The following RNASE10 variants were observed in gnomAD, a reference collection of about 807,000 sequenced individuals.
RNASE10 encodes ribonuclease A family member 10 (inactive), also known as inactive ribonuclease-like protein 10.
Under a neutral mutation model 1.1 loss-of-function variants are expected in RNASE10, and 2 were observed. The observed-to-expected ratio is 1.82, with a 90% CI of 0.74 to 5.73. The LOEUF (loss-of-function observed/expected upper bound fraction) is 5.73. Among genes scored for constraint, RNASE10 ranks in the 30% most tolerant of loss-of-function variants. RNASE10 has a pLI of 0.05. For synonymous variants in RNASE10, 97 were observed against 96.2 expected (o/e 1.01, Z -0.05); for missense variants, 276 against 263.4 (o/e 1.05, Z -0.33).
upstream of RNASE10, among the ~76,000 whole-genome samples, chr14:20,505,267 T>G (rs535850197): frequency 3.0e-3 from 27 of 8,946 alleles, no homozygotes; most frequent in East Asian, 8.3e-3. Flanking sequence ...GTTTGCTCCC[T>G]CTCCCTCTCC....
chr14:20,507,605 A>C (rs1171899692), intron 1 of RNASE10, among the ~76,000 whole-genome samples: 1 of 130,618 alleles, frequency 7.7e-6, no homozygotes, highest in Non-Finnish European at 1.7e-5. Context: ...CCCAAGAATG[A>C]TCAATTAAAA....
chr14:20,510,662 C>T lies in RNASE10; in HGVS notation c.275C>T (p.Thr92Ile), dbSNP rs111280069. The change falls in exon 2 of 2, where the codon ACC becomes ATC. Residue 92 changes from threonine (T) to isoleucine (I), a missense_variant. By Grantham distance (89) the Thr-to-Ile change is moderately conservative. Transcript: ENST00000430083. Reference sequence around the variant, plus strand: ...ACTGAGGAGGGAGACGGCACCCAAACCACAGAAACGCTGGTGCTTAGCAAC... The same window carrying T: ...ACTGAGGAGGGAGACGGCACCCAAATCACAGAAACGCTGGTGCTTAGCAAC... 3.7e-5 allele frequency: 59 copies of T among 1,614,194 alleles called. 2 individuals are homozygous for T. The African/African-American group carries it at 4.3e-4, about 12-fold the overall frequency.
exon 2 of RNASE10, chr14:20,511,070 A>G (rs772066672): frequency 2.6e-6 from 4 of 1,523,780 alleles, no homozygotes; most frequent in Non-Finnish European, 3.5e-6. Context: ...ATAAAAAAGC[A>G]CATTATTATA....
chr14:20,509,968 AAAG>A (rs1459158700), intron 1 of RNASE10, among the ~76,000 whole-genome samples: 1 of 151,054 alleles, frequency 6.6e-6, no homozygotes, highest in Non-Finnish European at 1.5e-5. Flanking sequence ...AAAAAAAAAA[AAAG>A]AGCTGGGCAT....
At chr14:20,508,460 T>C (rs552953586) in intron 1 of RNASE10, among the ~76,000 whole-genome samples, 2 of 152,346 alleles carry the variant, frequency 1.3e-5, no homozygotes, top group South Asian at 2.1e-4. Flanking sequence ...GTCCATGTTG[T>C]AGACACCACC....
rs888713003 is a variant in RNASE10, at chr14:20,511,150, C to T, written c.*28C>T. 9 of 1,424,894 alleles carry T rather than the reference C, an allele frequency of 6.3e-6. No homozygotes were observed. In the Admixed American group the frequency reaches 2.3e-4, roughly 36 times the overall value. 88.3% of individuals were successfully genotyped at this position (1,424,894 alleles called of 1,614,324 possible). A position where few individuals can be genotyped will look rare whatever the true frequency, so the allele number is the denominator to read the frequency against. ...CAACTCATCATCTTTTTTCTCTTCA[C>T]CTTCTCCTGTTCCTCTTCCTTTTTT... On this transcript the variant is annotated 3_prime_UTR_variant, in exon 2 of 2. Transcript: ENST00000430083.
intron 1 of RNASE10, among the ~76,000 whole-genome samples, chr14:20,506,501 C>A (rs1306058877): frequency 1.5e-5 from 2 of 129,154 alleles, no homozygotes; most frequent in African/African-American, 6.3e-5. Context: ...TGGGGGTCAG[C>A]CCCCCGCCCG....
chr14:20,510,666 AG>A lies in RNASE10; in HGVS notation c.280del (p.Glu94LysfsTer57). 2 of 1,614,224 alleles carry A rather than the reference AG, an allele frequency of 1.2e-6. No homozygotes were observed. The highest frequency in any genetic ancestry group is 1.7e-6 in the Non-Finnish European group (2 of 1,180,038). On this transcript the variant is annotated frameshift_variant, in exon 2 of 2. Coordinates refer to ENST00000430083, the Ensembl canonical transcript of RNASE10. LOFTEE classifies it low-confidence loss of function (END_TRUNC). Reference sequence around the variant, plus strand: ...AGGAGGGAGACGGCACCCAAACCACAGAAACGCTGGTGCTTAGCAACAAAGA... The same window carrying A: ...AGGAGGGAGACGGCACCCAAACCACAAAACGCTGGTGCTTAGCAACAAAGA...
chr14:20,506,238 C>T (rs1882710732), intron 1 of RNASE10, among the ~76,000 whole-genome samples: 1 of 106,152 alleles, frequency 9.4e-6, no homozygotes, highest in East Asian at 2.7e-4. Context: ...GTGAGGGGCT[C>T]CTCTGCCCGG....
At chr14:20,507,240 T>A (rs1416646259) in intron 1 of RNASE10, among the ~76,000 whole-genome samples, 2 of 140,548 alleles carry the variant, frequency 1.4e-5, no homozygotes, top group Non-Finnish European at 3.1e-5. Context: ...GAAGTAGACA[T>A]GGGAGACTTT....
intron 1 of RNASE10, among the ~76,000 whole-genome samples, chr14:20,506,296 C>T (rs1201608237): frequency 0.083 from 8,611 of 103,132 alleles, 139 homozygotes; most frequent in East Asian, 0.2. Flanking sequence ...CCAGCCGCCC[C>T]GTCCGGGAGG....
At chr14:20,504,666 C>G (rs61994221), upstream of RNASE10, among the ~76,000 whole-genome samples, 5 of 105,342 alleles carry the variant, frequency 4.7e-5, no homozygotes, top group African/African-American at 1.9e-4. Context: ...CCAGCCTGGG[C>G]GACAGAGAGA....
upstream of RNASE10, among the ~76,000 whole-genome samples, chr14:20,504,545 G>A (rs989939136): frequency 8.6e-5 from 13 of 150,994 alleles, no homozygotes; most frequent in East Asian, 3.9e-4. Flanking sequence ...AAAATTAGCC[G>A]GGCGCGGTGG....
exon 1 of RNASE10, chr14:20,505,682 C>A (rs1220994288): frequency 1.0e-5 from 1 of 97,384 alleles, no homozygotes; most frequent in Non-Finnish European, 1.8e-5. Flanking sequence ...ATCTCCCAGC[C>A]GCCTGCCTTG....
At chr14:20,511,823 C>T (rs911830859), downstream of RNASE10, among the ~76,000 whole-genome samples, 2 of 152,086 alleles carry the variant, frequency 1.3e-5, no homozygotes, top group African/African-American at 4.8e-5. Context: ...TGCTTTTGTC[C>T]TTTGCTTCTT....
downstream of RNASE10, among the ~76,000 whole-genome samples, chr14:20,512,916 G>A (rs566358647): frequency 7.2e-5 from 11 of 152,306 alleles, no homozygotes; most frequent in Non-Finnish European, 1.5e-4. Context: ...GGGAAGAGGG[G>A]AAAGAAGAAT....
intron 1 of RNASE10, among the ~76,000 whole-genome samples, chr14:20,509,240 G>T (rs9788427): frequency 0.22 from 33,728 of 152,152 alleles, 4,857 homozygotes; most frequent in East Asian, 0.64. Context: ...GTAGAGATGG[G>T]GTTTCACCAT....
intron 1 of RNASE10, among the ~76,000 whole-genome samples, chr14:20,509,868 T>C (rs150623845): frequency 0.023 from 3,469 of 149,872 alleles, 46 homozygotes; most frequent in Middle Eastern, 0.038. Context: ...CTCACACTTG[T>C]AATCCCAGCA....
chr14:20,511,219 C>T, downstream of RNASE10: 2 of 1,022,656 alleles, frequency 2.0e-6, no homozygotes, highest in Non-Finnish European at 2.7e-6. Context: ...AGGTATCATG[C>T]AGATGGAATT....
Sources: allele counts gnomAD v4.1 joint callset (sites outside exome capture counted in the v4.1 genomes callset), GRCh38; gene constraint gnomAD v4.1.1; transcripts MANE v1.5; gene names NCBI Gene and HGNC (gene_info 2026-07-23, HGNC 2026-07-21).